TBC1D5: variants seen among roughly 807,000 people sequenced by gnomAD.
TBC1D5 encodes TBC1 domain family member 5, also known as TBC1 domain family, member 5.
TBC1D5 carries 75 observed loss-of-function variants against 100.3 expected under a neutral mutation model. The ratio of observed to expected loss-of-function variants is 0.75; its 90% CI spans 0.62 to 0.91. The LOEUF is 0.91. Among genes scored for constraint, TBC1D5 ranks in the 40% least tolerant of loss-of-function variants. The probability of loss-of-function intolerance (pLI) is 0.00; values close to 1 mark genes in which losing one functional copy is unlikely to be tolerated. For missense variants in TBC1D5, 910 were observed against 942.4 expected, an observed-to-expected ratio of 0.97 and a Z score of 0.45; for synonymous variants, 323 against 325.6, an observed-to-expected ratio of 0.99 and a Z score of 0.09.
chr3:17,692,819 A>T (rs1381919339), intron 1 of TBC1D5, among the ~76,000 whole-genome samples: 4 of 152,228 alleles, frequency 2.6e-5, no homozygotes, highest in African/African-American at 7.2e-5. Context: ...CAAGTAGATC[A>T]GAATTATAAA....
intron 2 of TBC1D5, among the ~76,000 whole-genome samples, chr3:17,552,542 C>T (rs1442514195): frequency 6.6e-6 from 1 of 152,058 alleles, no homozygotes; most frequent in Non-Finnish European, 1.5e-5. Context: ...GGAACACATG[C>T]CTGGCACTAT....
rs549282959 is a variant in TBC1D5 at position 17,637,107 on chromosome 3, C to T, written c.-100-13194G>A. On this transcript the variant is annotated intron_variant, in intron 1 of 21. Coordinates refer to ENST00000253692, the Ensembl canonical transcript of TBC1D5. ...CGTGATCTCAGCTCACTGCAACCTCCGCCTCCTGGGTTCAAGCAATTCTCC... is the reference window on the plus strand; with the variant it reads ...CGTGATCTCAGCTCACTGCAACCTCTGCCTCCTGGGTTCAAGCAATTCTCC... Among the ~76,000 whole-genome samples, 31 of 149,990 alleles carry T rather than the reference C, an allele frequency of 2.1e-4. No homozygotes were observed. The East Asian group carries it at 3.9e-3, about 19-fold the overall frequency.
chr3:17,218,175 T>A (rs1202487645), intron 17 of TBC1D5, among the ~76,000 whole-genome samples: 2 of 152,064 alleles, frequency 1.3e-5, no homozygotes, highest in African/African-American at 2.4e-5. Flanking sequence ...CTCAACTCTA[T>A]TCCATTTATA....
intron 13 of TBC1D5, among the ~76,000 whole-genome samples, chr3:17,311,547 C>T (rs1363893116): frequency 6.6e-6 from 1 of 151,920 alleles, no homozygotes; most frequent in African/African-American, 2.4e-5. Flanking sequence ...TGGTGACTGA[C>T]CCACGGAAAC....
intron 2 of TBC1D5, among the ~76,000 whole-genome samples, chr3:17,543,877 C>T (rs199550088): frequency 0.07 from 10,071 of 144,548 alleles, 656 homozygotes; most frequent in African/African-American, 0.18. Flanking sequence ...TTTTTTTTTT[C>T]TTTTTTTTTG....
chr3:17,180,207 T>A (rs2068280244), intron 19 of TBC1D5, among the ~76,000 whole-genome samples: 1 of 152,242 alleles, frequency 6.6e-6, no homozygotes, highest in East Asian at 1.9e-4. Context: ...AACCTTTGAA[T>A]TCAAATAATT....
At chr3:17,714,427 T>TC (rs1455775909) in intron 1 of TBC1D5, among the ~76,000 whole-genome samples, 1 of 152,170 alleles carries the variant, frequency 6.6e-6, no homozygotes, top group Non-Finnish European at 1.5e-5. Flanking sequence ...ACTCTAAGCT[T>TC]CCACCTTGGA....
At position 17,363,665 on chromosome 3, in the gene TBC1D5, G is replaced by A. The variant is rs530157521; in HGVS notation, c.995+8410C>T. Among the ~76,000 whole-genome samples the A allele has an allele frequency of 3.2e-4, 49 of 151,186 alleles. No homozygotes were observed. In the East Asian group the frequency reaches 7.6e-3, roughly 23 times the overall value. On this transcript the variant is annotated intron_variant, in intron 13 of 21. Transcript: ENST00000253692. ...TGGCCTCAAGATATCTTCCCGCCAC[G>A]ACCTCTCAAAGCGCTGCGATTATAA... is the stretch of plus-strand genomic sequence containing the variant.
At chr3:17,455,843 CAAAAT>C (rs2095071961) in intron 3 of TBC1D5, among the ~76,000 whole-genome samples, 1 of 151,764 alleles carries the variant, frequency 6.6e-6, no homozygotes, top group South Asian at 2.1e-4. Context: ...GTCTCAAAAA[CAAAAT>C]AAAACAAAAA....
intron 13 of TBC1D5, among the ~76,000 whole-genome samples, chr3:17,366,157 G>A (rs1303624681): frequency 6.6e-6 from 1 of 152,012 alleles, no homozygotes; most frequent in Non-Finnish European, 1.5e-5. Flanking sequence ...TGGGCATGGT[G>A]ACAGGTGCCT....
intron 2 of TBC1D5, among the ~76,000 whole-genome samples, chr3:17,527,822 G>A (rs2096158830): frequency 6.6e-6 from 1 of 152,072 alleles, no homozygotes; most frequent in South Asian, 2.1e-4. Context: ...TATTTTTGGA[G>A]AAATAAAAAC....
intron 3 of TBC1D5, among the ~76,000 whole-genome samples, chr3:17,444,346 T>C (rs2094733519): frequency 1.3e-5 from 2 of 152,084 alleles, no homozygotes; most frequent in African/African-American, 2.4e-5. Context: ...TTCTATAAAA[T>C]TGAATTTACA....
chr3:17,708,135 G>A (rs1434154510), intron 1 of TBC1D5, among the ~76,000 whole-genome samples: 2 of 152,074 alleles, frequency 1.3e-5, no homozygotes, highest in African/African-American at 4.8e-5. Context: ...ATTGGTATGT[G>A]GCCTCCTAAT....
chr3:17,533,072 C>G (rs1299995128), intron 2 of TBC1D5, among the ~76,000 whole-genome samples: 6 of 117,250 alleles, frequency 5.1e-5, no homozygotes, highest in South Asian at 5.3e-4. Flanking sequence ...CACACATACA[C>G]AGACACACAC....
intron 1 of TBC1D5, among the ~76,000 whole-genome samples, chr3:17,665,274 T>C (rs1385882070): frequency 1.3e-5 from 2 of 152,304 alleles, no homozygotes; most frequent in South Asian, 2.1e-4. Context: ...GAAAACCACA[T>C]GTCCTCTTGG....
At chr3:17,606,373 C>A (rs538596994) in intron 2 of TBC1D5, among the ~76,000 whole-genome samples, 1 of 152,206 alleles carries the variant, frequency 6.6e-6, no homozygotes, top group South Asian at 2.1e-4. Context: ...TTGCTTGAAC[C>A]CAGGAATGCG....
At chr3:17,554,846 CTT>C (rs200947542) in intron 2 of TBC1D5, among the ~76,000 whole-genome samples, 1 of 144,650 alleles carries the variant, frequency 6.9e-6, no homozygotes, top group South Asian at 2.2e-4. Context: ...AATATCTGTG[CTT>C]TTTTTTTTTC....
intron 14 of TBC1D5, among the ~76,000 whole-genome samples, chr3:17,294,382 C>T (rs2082048463): frequency 6.6e-6 from 1 of 152,098 alleles, no homozygotes; most frequent in Non-Finnish European, 1.5e-5. Context: ...TACTGCCATG[C>T]CTGGCTAATT....
intron 13 of TBC1D5, among the ~76,000 whole-genome samples, chr3:17,339,440 G>A (rs1190576016): frequency 6.6e-6 from 1 of 152,028 alleles, no homozygotes; most frequent in Admixed American, 6.6e-5. Flanking sequence ...GTCTGACTGG[G>A]GACAAATGTC....
Sources: allele counts gnomAD v4.1 joint callset (sites outside exome capture counted in the v4.1 genomes callset), GRCh38; gene constraint gnomAD v4.1.1; transcripts MANE v1.5; gene names NCBI Gene and HGNC (gene_info 2026-07-23, HGNC 2026-07-21).